Variants in FUBP3 observed in about 807,000 individuals in gnomAD.
FUBP3 encodes the protein far upstream element-binding protein 3.
In FUBP3, 28 loss-of-function variants were observed where a neutral mutation model predicts 85.6. That is an observed-to-expected ratio of 0.33 (90% CI 0.24 to 0.45). The LOEUF is 0.45. Ranked by LOEUF, FUBP3 falls within the 20% of genes least tolerant of loss-of-function variation. FUBP3 has a pLI of 1.00. For missense variants in FUBP3, 583 were observed against 755.1 expected (o/e 0.77, Z 2.67); for synonymous variants, 271 against 271.4 (o/e 1.00, Z 0.01).
chr9:130,634,671 G>C lies in FUBP3; in HGVS notation c.1515G>C (p.Gln505His). The C allele has an allele frequency of 6.2e-7, 1 of 1,613,346 alleles. No individual in the cohort carries two copies. Among genetic ancestry groups the C allele is most frequent in the Non-Finnish European group, 8.5e-7 (1 of 1,179,880 alleles). ...WQQPTQQVPS[Q>H]QSQPQSSQPN... ...GCTTTTGTGTTCTTCGCACAGGCCA[G>C]CAGAGCCAGCCGCAGAGCAGCCAGC... The change falls in exon 17 of 19, where the codon CAG becomes CAC. Residue 505 changes from glutamine to histidine, a missense_variant. Coordinates refer to ENST00000319725, the MANE Select transcript of FUBP3 (RefSeq NM_003934.2).
chr9:130,616,425 G>C lies in FUBP3; in HGVS notation c.475G>C (p.Asp159His). 6.2e-7 allele frequency: 1 copy of C among 1,613,986 alleles called. No individual in the cohort carries two copies. Among genetic ancestry groups the C allele is most frequent in the Non-Finnish European group, 8.5e-7 (1 of 1,179,888 alleles). The change falls in exon 7 of 19, where the codon GAC (aspartate) becomes CAC (histidine). Residue 159 changes from aspartate (D) to histidine (H), a missense_variant. Physicochemically the swap from Asp to His is moderately conservative, Grantham distance 81 (BLOSUM62 -1). Transcript: ENST00000319725. This position sits in a 1 kb window ranked among gnomAD's most constrained non-coding sequence, Gnocchi z 4.7. ...TGGACCTGGCTTTCATAATGACATA[G>C]ACAGCAACAGCACAATCCAGGAGAT... ...RNGPGFHNDI[D>H]SNSTIQEILI...
rs1462446750 is a variant in FUBP3 at position 130,637,222 on chromosome 9, ATTT to A, written c.*203_*205del. On this transcript the variant is annotated 3_prime_UTR_variant, in exon 19 of 19. Coordinates refer to ENST00000319725, the MANE Select transcript of FUBP3 (RefSeq NM_003934.2). ...AATTGCTGATCATTTTTGTTTCATTATTTTTGTTATTTCAAATGTATAAGCTCT... is the reference window on the plus strand; with the variant it reads ...AATTGCTGATCATTTTTGTTTCATTATTGTTATTTCAAATGTATAAGCTCT... 3.3e-6 allele frequency: 2 copies of A among 597,048 alleles called. No individual in the cohort carries two copies. Among genetic ancestry groups the A allele is most frequent in the Non-Finnish European group, 6.0e-6 (2 of 333,992 alleles). 37.0% of individuals were successfully genotyped at this position (597,048 alleles called of 1,614,324 possible).
chr9:130,620,564 C>G, intron 9 of FUBP3, 106 bp downstream of exon 9: 1 of 551,996 alleles, frequency 1.8e-6, no homozygotes, highest in Non-Finnish European at 3.2e-6. Context: ...AGTTTTGTCT[C>G]AAAACCTTAA....
At chr9:130,630,550 C>G in intron 12 of FUBP3, 78 bp from the exon 13 acceptor site, 1 of 1,210,358 alleles carries the variant, frequency 8.3e-7, no homozygotes, top group African/African-American at 1.6e-5. Context: ...GAGTTGTCTT[C>G]TGGAGCCAAG....
chr9:130,597,031 CT>C (rs1243998380), intron 2 of FUBP3, among the ~76,000 whole-genome samples: 29 of 150,316 alleles, frequency 1.9e-4, no homozygotes, highest in East Asian at 3.9e-4. Flanking sequence ...CCCCTCCCCC[CT>C]GAGTCCCCTT....
At chr9:130,603,771 G>A (rs1831285690) in intron 2 of FUBP3, among the ~76,000 whole-genome samples, 1 of 152,152 alleles carries the variant, frequency 6.6e-6, no homozygotes, top group Admixed American at 6.6e-5. Flanking sequence ...AAAAGTAGTT[G>A]CCAAATTAAA....
intron 13 of FUBP3, chr9:130,631,261 G>T: frequency 7.6e-7 from 1 of 1,322,490 alleles, no homozygotes; most frequent in East Asian, 3.1e-5. Flanking sequence ...AAAGAGCCTT[G>T]GGCCAGCCTA....
chr9:130,607,680 CT>C (rs1464165973), intron 2 of FUBP3, among the ~76,000 whole-genome samples: 3 of 152,188 alleles, frequency 2.0e-5, no homozygotes, highest in Non-Finnish European at 2.9e-5. Context: ...CCCAGCGCCC[CT>C]GATCTAACTG....
chr9:130,587,349 C>T (rs1229383976), intron 1 of FUBP3, among the ~76,000 whole-genome samples: 1 of 152,180 alleles, frequency 6.6e-6, no homozygotes, highest in Non-Finnish European at 1.5e-5. Context: ...AGGTGTGAGC[C>T]ACCCAGCCCA....
At chr9:130,598,528 A>G (rs1043469699) in intron 2 of FUBP3, among the ~76,000 whole-genome samples, 4 of 152,250 alleles carry the variant, frequency 2.6e-5, no homozygotes, top group Non-Finnish European at 5.9e-5. Flanking sequence ...GAACCAAAGT[A>G]TGATTGCCTC....
At chr9:130,592,908 CA>C (rs1830698243) in intron 1 of FUBP3, among the ~76,000 whole-genome samples, 2 of 152,130 alleles carry the variant, frequency 1.3e-5, no homozygotes, top group South Asian at 4.1e-4. Context: ...AGTAGCTGCC[CA>C]TCAGCCTTCC....
At chr9:130,631,789 A>G (rs1037489991) in intron 14 of FUBP3, among the ~76,000 whole-genome samples, 153 bp from the exon 15 acceptor site, 3 of 152,132 alleles carry the variant, frequency 2.0e-5, no homozygotes, top group Non-Finnish European at 2.9e-5. Context: ...CCTCCGGCCT[A>G]TCACTCACTG....
At chr9:130,634,785 C>G in intron 17 of FUBP3, 47 bp downstream of exon 17, 1 of 1,440,606 alleles carries the variant, frequency 6.9e-7, no homozygotes, top group South Asian at 1.2e-5. Flanking sequence ...TCCCCTCCAG[C>G]CCAGAGACTT....
At chr9:130,630,113 G>T (rs142783819) in intron 12 of FUBP3, among the ~76,000 whole-genome samples, 80 of 152,358 alleles carry the variant, frequency 5.3e-4, no homozygotes, top group African/African-American at 1.9e-3. Context: ...GATACTGAAG[G>T]CCCGAGTGGG....
intron 2 of FUBP3, among the ~76,000 whole-genome samples, chr9:130,602,719 A>G (rs535689975): frequency 1.3e-5 from 2 of 152,232 alleles, no homozygotes; most frequent in South Asian, 4.1e-4. Context: ...CCTTTTGTGA[A>G]GAGGGAAGAG....
Position 130,616,881 on chromosome 9 carries a change from G to GGC in FUBP3, c.567+364_567+365insGC, listed in dbSNP as rs1832034488. 6.6e-6 allele frequency among the ~76,000 whole-genome samples: 1 copy of GGC among 152,236 alleles called. No homozygotes were observed. Among genetic ancestry groups the GGC allele is most frequent in the African/African-American group, 2.4e-5 (1 of 41,468 alleles). The stretch of plus-strand genomic sequence containing the variant: ...GACCCAGCATTCTTCCTCACTGATT[G>GGC]ATCTTAAATGTGCTCATTTACTTTT... On this transcript the variant is annotated intron_variant, in intron 7 of 18. Coordinates refer to ENST00000319725, the MANE Select transcript of FUBP3 (RefSeq NM_003934.2). The surrounding 1 kb of genome is among the most constrained non-coding windows in gnomAD (Gnocchi z 4.7).
Position 130,594,869 on chromosome 9 carries a change from CTT to C in FUBP3, c.85-597_85-596del, listed in dbSNP as rs10710760. ...AGAAAGTTCTTCAATTGTTGGCTTG[CTT>C]TTTTTTTTTTTTTTTTCTTCTTAAG... On this transcript the variant is annotated intron_variant, in intron 1 of 18. Coordinates refer to ENST00000319725, the MANE Select transcript of FUBP3 (RefSeq NM_003934.2). Among the ~76,000 whole-genome samples the C allele has an allele frequency of 8.5e-3, 1,097 of 129,268 alleles. 10 individuals carry two copies. Among genetic ancestry groups the C allele is most frequent in the African/African-American group, 0.017 (578 of 34,828 alleles). 84.8% of individuals were successfully genotyped at this position (129,268 alleles called of 152,430 possible).
intron 9 of FUBP3, 78 bp downstream of exon 9, chr9:130,620,536 C>A: frequency 1.5e-6 from 1 of 674,164 alleles, no homozygotes; most frequent in East Asian, 2.9e-5. Flanking sequence ...AGCTCTTTAA[C>A]CCTGAGCAAG....
chr9:130,583,261 T>C (rs1048440348), intron 1 of FUBP3, among the ~76,000 whole-genome samples: 3 of 152,234 alleles, frequency 2.0e-5, no homozygotes, highest in Non-Finnish European at 4.4e-5. Context: ...TGCTGCTGTT[T>C]CACAGTTTAA....
Sources: gnomAD v4.1 joint callset for allele counts (sites outside exome capture counted in the v4.1 genomes callset) on GRCh38, gnomAD v4.1.1 for gene constraint, Gnocchi (gnomAD v3.1) non-coding constraint, MANE v1.5 for transcripts, NCBI Gene and HGNC (gene_info 2026-07-23, HGNC 2026-07-21) for gene names.